Variants in MGAT4C observed in about 807,000 individuals in gnomAD.
MGAT4C encodes the protein alpha-1,3-mannosyl-glycoprotein 4-beta-N-acetylglucosaminyltransferase C.
MGAT4C carries 19 observed loss-of-function variants against 40.1 expected under a neutral mutation model. That is an observed-to-expected ratio of 0.47 (90% CI 0.33 to 0.70). The LOEUF (loss-of-function observed/expected upper bound fraction) is 0.70. Among genes scored for constraint, MGAT4C ranks in the 30% least tolerant of loss-of-function variants. MGAT4C has a pLI of 0.02. For synonymous variants in MGAT4C, 181 were observed against 187.1 expected, an observed-to-expected ratio of 0.97 and a Z score of 0.27; for missense variants, 491 against 563.2, an observed-to-expected ratio of 0.87 and a Z score of 1.30.
intron 1 of MGAT4C, among the ~76,000 whole-genome samples, chr12:86,222,397 C>G (rs1950914927): frequency 6.6e-6 from 1 of 152,178 alleles, no homozygotes; most frequent in South Asian, 2.1e-4. Flanking sequence ...ATACTCTGCA[C>G]TCCATCAAAA....
intron 2 of MGAT4C, among the ~76,000 whole-genome samples, chr12:86,558,142 T>G (rs1044533440): frequency 3.3e-5 from 5 of 151,698 alleles, no homozygotes; most frequent in African/African-American, 1.2e-4. Context: ...ACTTGAAAAG[T>G]TTTTTAATAA....
chr12:86,478,603 T>C (rs1229898998), intron 2 of MGAT4C, among the ~76,000 whole-genome samples: 2 of 152,158 alleles, frequency 1.3e-5, no homozygotes, highest in Non-Finnish European at 2.9e-5. Context: ...TTCTGTTGTT[T>C]TCTTTAAATA....
intron 2 of MGAT4C, among the ~76,000 whole-genome samples, chr12:86,515,114 T>C (rs374782672): frequency 6.6e-6 from 1 of 152,180 alleles, no homozygotes; most frequent in African/African-American, 2.4e-5. Context: ...TTGGGGACAA[T>C]TATTCAGCCT....
intron 4 of MGAT4C, among the ~76,000 whole-genome samples, chr12:85,982,033 T>G (rs988293465): frequency 6.6e-6 from 1 of 152,174 alleles, no homozygotes; most frequent in African/African-American, 2.4e-5. Context: ...GAAATCTAAA[T>G]TAATTTAATA....
Position 85,989,479 on chromosome 12 carries a change from C to G in MGAT4C, c.68G>C (p.Arg23Pro). The G allele has an allele frequency of 6.2e-7, 1 of 1,606,298 alleles. No homozygotes were observed. Among genetic ancestry groups the G allele is most frequent in the Non-Finnish European group, 8.5e-7 (1 of 1,174,978 alleles). ...ILDKMRCLRK[R>P]STVSFLGVLV... ...AACTCCCAAGAATGACACTGTAGAA[C>G]GTTTTCTCAGGCATCTCATTTTATC... The change falls in exon 3 of 5, where the codon CGT becomes CCT. Residue 23 changes from arginine (R) to proline (P), a missense_variant. Coordinates refer to ENST00000611864, the MANE Select transcript of MGAT4C (RefSeq NM_001351288.2).
At chr12:86,815,656 T>TATGATAGA (rs2136221334) in intron 1 of MGAT4C, among the ~76,000 whole-genome samples, 1 of 151,440 alleles carries the variant, frequency 6.6e-6, no homozygotes, top group Admixed American at 6.6e-5. Flanking sequence ...ATTTATATTA[T>TATGATAGA]ATGATAGAAT....
intron 2 of MGAT4C, among the ~76,000 whole-genome samples, chr12:86,026,734 T>A (rs1451095685): frequency 6.6e-6 from 1 of 151,946 alleles, no homozygotes; most frequent in Non-Finnish European, 1.5e-5. Flanking sequence ...CAGTGTTTAT[T>A]TTCTGCATTT....
chr12:86,595,804 A>C (rs1241733584), intron 2 of MGAT4C, among the ~76,000 whole-genome samples: 1 of 152,188 alleles, frequency 6.6e-6, no homozygotes, highest in African/African-American at 2.4e-5. Context: ...TAAGTTTCTG[A>C]CTTAGACTTA....
intron 3 of MGAT4C, among the ~76,000 whole-genome samples, chr12:86,392,214 G>A (rs1420286918): frequency 6.6e-6 from 1 of 152,134 alleles, no homozygotes; most frequent in Non-Finnish European, 1.5e-5. Context: ...GCTCAGTCCT[G>A]TAATCCCAGC....
intron 2 of MGAT4C, among the ~76,000 whole-genome samples, chr12:86,520,791 T>C (rs1397079048): frequency 6.6e-6 from 1 of 151,966 alleles, no homozygotes; most frequent in African/African-American, 2.4e-5. Flanking sequence ...TGAGATGGTA[T>C]CTCATTGTGA....
chr12:86,068,031 G>T (rs1160946406), intron 1 of MGAT4C: 1 of 152,116 alleles, frequency 6.6e-6, no homozygotes, highest in East Asian at 1.9e-4. Context: ...TCTGCTAAAT[G>T]CTGCACAGAT....
intron 2 of MGAT4C, among the ~76,000 whole-genome samples, chr12:86,562,103 C>G (rs902665215): frequency 2.0e-5 from 3 of 152,162 alleles, no homozygotes; most frequent in African/African-American, 7.2e-5. Flanking sequence ...GTTGGCTGCT[C>G]TAAGTTCACT....
At chr12:86,537,385 C>T (rs1451074209) in intron 2 of MGAT4C, among the ~76,000 whole-genome samples, 1 of 150,340 alleles carries the variant, frequency 6.7e-6, no homozygotes, top group Non-Finnish European at 1.5e-5. Flanking sequence ...AAAAAAACAA[C>T]AGTTAAGGCT....
intron 3 of MGAT4C, among the ~76,000 whole-genome samples, chr12:86,396,481 C>G (rs1003741233): frequency 6.6e-6 from 1 of 152,104 alleles, no homozygotes; most frequent in South Asian, 2.1e-4. Context: ...GCATTTGACC[C>G]GCAGCAGGAA....
rs1592636168 is a variant in MGAT4C, at chr12:86,277,938, A to G, written c.-57+56127T>C. Among the ~76,000 whole-genome samples, 3 of 151,998 alleles carry G rather than the reference A, an allele frequency of 2.0e-5. No homozygotes were observed. The East Asian group carries it at 5.8e-4, about 29-fold the overall frequency. ...TTTATCTATTTCATTTAAGCATGTC[A>G]TTGGCATTTTAATAGAGATTGCATT... On this transcript the variant is annotated intron_variant, in intron 4 of 7. Transcript: ENST00000548651.
chr12:86,233,893 G>C (rs1021559862), intron 1 of MGAT4C, among the ~76,000 whole-genome samples: 1 of 151,974 alleles, frequency 6.6e-6, no homozygotes, highest in Admixed American at 6.6e-5. Flanking sequence ...ATTCTATTAT[G>C]ACTTGAAAAG....
intron 2 of MGAT4C, among the ~76,000 whole-genome samples, chr12:86,660,148 A>G (rs562203370): frequency 1.3e-5 from 2 of 152,266 alleles, no homozygotes; most frequent in Non-Finnish European, 1.5e-5. Context: ...ATACCGGACA[A>G]GAGACCTTGA....
rs1883772176 is a variant in MGAT4C at position 85,973,994 on chromosome 12, G to A, written c.*5295C>T. ...TAAATGTGATGAACAGATTAATGAGGTGGAAGGGACTAGAACTTTGGGAAA... is the reference window on the plus strand; with the variant it reads ...TAAATGTGATGAACAGATTAATGAGATGGAAGGGACTAGAACTTTGGGAAA... On this transcript the variant is annotated 3_prime_UTR_variant, in exon 5 of 5. Transcript: ENST00000611864. 2 of 150,858 alleles carry A rather than the reference G, an allele frequency of 1.3e-5. No individual in the cohort carries two copies. The highest frequency in any genetic ancestry group is 4.8e-5 in the African/African-American group (2 of 41,312). The allele number at this position is 150,858 out of a possible 1,614,324, so 9.3% of individuals were successfully genotyped here. A position where few individuals can be genotyped will look rare whatever the true frequency, so the allele number is the denominator to read the frequency against.
chr12:86,485,233 T>C (rs1157270717), intron 2 of MGAT4C, among the ~76,000 whole-genome samples: 1 of 152,186 alleles, frequency 6.6e-6, no homozygotes, highest in Admixed American at 6.5e-5. Flanking sequence ...GCAATGTTTC[T>C]TAACCAGACT....
Sources: gnomAD v4.1 joint callset for allele counts (sites outside exome capture counted in the v4.1 genomes callset) on GRCh38, gnomAD v4.1.1 for gene constraint, MANE v1.5 for transcripts, NCBI Gene and HGNC (gene_info 2026-07-23, HGNC 2026-07-21) for gene names.